Variants in ZNF467 observed in about 807,000 individuals in gnomAD.
ZNF467 encodes the protein zinc finger protein 467, also known as zinc finger protein EZI.
Under a neutral mutation model 47.8 loss-of-function variants are expected in ZNF467, and 51 were observed. The observed-to-expected ratio is 1.07, with a 90% CI of 0.85 to 1.35. The LOEUF is 1.35. ZNF467 is among the 40% of genes most tolerant of loss of function. ZNF467 has a pLI of 0.00. For synonymous variants in ZNF467, 416 were observed against 372.9 expected, an observed-to-expected ratio of 1.12 and a Z score of -1.33; for missense variants, 992 against 858.1, an observed-to-expected ratio of 1.16 and a Z score of -1.95.
At chr7:149,776,030 G>A (rs768558756), upstream of ZNF467, 2 of 1,364,980 alleles carry the variant, frequency 1.5e-6, no homozygotes, top group Non-Finnish European at 2.0e-6. Context: ...GTGCCCTGGG[G>A]GTGAGGGCAC....
Position 149,769,279 on chromosome 7 carries a change from G to A in ZNF467, c.152-79C>T. 2.3e-6 allele frequency: 3 copies of A among 1,321,264 alleles called. No homozygotes were observed. The highest frequency in any genetic ancestry group is 3.1e-6 in the Non-Finnish European group (3 of 977,678). 81.8% of individuals were successfully genotyped at this position (1,321,264 alleles called of 1,614,324 possible). ...GGGCCCCACTGGTGCTGGGAAGCAG[G>A]AGCATTTGAAACCCTGGCTCCAGCA... On this transcript the variant is annotated intron_variant, in intron 3 of 4. Transcript: ENST00000302017. The surrounding 1 kb of genome is among the most constrained non-coding windows in gnomAD (Gnocchi z 5.3).
intron 4 of ZNF467, among the ~76,000 whole-genome samples, chr7:149,767,260 T>C (rs1799253757): frequency 6.6e-6 from 1 of 152,276 alleles, no homozygotes; most frequent in South Asian, 2.1e-4. Flanking sequence ...CATCAGCTCC[T>C]GGGAAACGTT....
intron 4 of ZNF467, 35 bp from the exon 5 acceptor site, chr7:149,766,274 C>T (rs1368597484): frequency 1.3e-6 from 2 of 1,511,044 alleles, no homozygotes; most frequent in African/African-American, 2.8e-5. Context: ...CTATTGAGCT[C>T]CACGTGCGGC....
Position 149,769,343 on chromosome 7 carries a change from G to A in ZNF467, c.152-143C>T. The A allele has an allele frequency of 4.2e-6, 3 of 722,884 alleles. No homozygotes were observed. Among genetic ancestry groups the A allele is most frequent in the Non-Finnish European group, 6.6e-6 (3 of 452,706 alleles). 44.8% of individuals were successfully genotyped at this position (722,884 alleles called of 1,614,324 possible). On this transcript the variant is annotated intron_variant, in intron 3 of 4. Coordinates refer to ENST00000302017, the MANE Select transcript of ZNF467 (RefSeq NM_207336.3). This position sits in a 1 kb window ranked among gnomAD's most constrained non-coding sequence, Gnocchi z 5.3. ...TCCTCCCACATCCTACCTGAATTAAGGGGCTGAGTTCCCAGCTTCCCTGGG... is the reference window on the plus strand; with the variant it reads ...TCCTCCCACATCCTACCTGAATTAAAGGGCTGAGTTCCCAGCTTCCCTGGG...
Position 149,766,133 on chromosome 7 carries a change from G to C in ZNF467, c.369C>G (p.Pro123=). 6.2e-7 allele frequency: 1 copy of C among 1,604,364 alleles called. No individual in the cohort carries two copies. The highest frequency in any genetic ancestry group is 8.5e-7 in the Non-Finnish European group (1 of 1,173,682). The part of the protein sequence containing the change: ...QHLSLLPSPF[P]APDLGHLAAA... ...CAGCCAGATGCCCCAGGTCAGGCGC[G>C]GGAAAGGGGCTGGGAAGTAACGATA... Residue 123 remains proline, a synonymous_variant, in exon 5 of 5, where the codon CCC becomes CCG. Coordinates refer to ENST00000302017, the MANE Select transcript of ZNF467 (RefSeq NM_207336.3).
upstream of ZNF467, among the ~76,000 whole-genome samples, chr7:149,774,262 C>G (rs527371399): frequency 1.7e-4 from 26 of 152,282 alleles, no homozygotes; most frequent in Admixed American, 4.6e-4. The surrounding 1 kb of genome is among the most constrained non-coding windows in gnomAD (Gnocchi z 5.7). Context: ...GCCCAGGTTA[C>G]GAGGTTTCTC....
intron 4 of ZNF467, among the ~76,000 whole-genome samples, chr7:149,768,099 T>C (rs1799276992): frequency 6.6e-6 from 1 of 152,242 alleles, no homozygotes; most frequent in African/African-American, 2.4e-5. Context: ...AAATTCCCAG[T>C]GCATGCGGAT....
In ZNF467 at chr7:149,765,620, A is replaced by T. The variant is rs1414762202; in HGVS notation, c.882T>A (p.His294Gln). Residue 294 changes from histidine (H) to glutamine (Q), a missense_variant, in exon 5 of 5, where the codon CAT becomes CAA. His to Gln is a conservative substitution (Grantham distance 24). Coordinates refer to ENST00000302017, the MANE Select transcript of ZNF467 (RefSeq NM_207336.3). Reference protein sequence around the residue: ...KTHLIRHQRIHTGERPYQCAQ... With the variant: ...KTHLIRHQRIQTGERPYQCAQ... ...CGCACTGGTAGGGCCTCTCGCCCGT[A>T]TGGATGCGCTGGTGCCGAATCAAGT... 2.3e-5 allele frequency: 37 copies of T among 1,605,874 alleles called. No individual in the cohort carries two copies. Among genetic ancestry groups the T allele is most frequent in the Non-Finnish European group, 3.1e-5 (37 of 1,176,594 alleles).
At chr7:149,773,646 G>T (rs960023178), upstream of ZNF467, among the ~76,000 whole-genome samples, 37 of 146,740 alleles carry the variant, frequency 2.5e-4, no homozygotes, top group Admixed American at 2.2e-3. Context: ...GCGAACGGGT[G>T]GGGGGGTGGC....
At chr7:149,774,610 A>G (rs1022071898), upstream of ZNF467, among the ~76,000 whole-genome samples, 24 of 152,168 alleles carry the variant, frequency 1.6e-4, 1 homozygote, top group Admixed American at 1.4e-3. The surrounding 1 kb of genome is among the most constrained non-coding windows in gnomAD (Gnocchi z 5.7). Context: ...CTCTGCCTCC[A>G]GGATGAAGGG....
At position 149,765,834 on chromosome 7, in the gene ZNF467, T is replaced by C. The variant is rs1354339133; in HGVS notation, c.668A>G (p.Lys223Arg). The C allele has an allele frequency of 6.2e-7, 1 of 1,609,110 alleles. No individual in the cohort carries two copies. The highest frequency in any genetic ancestry group is 1.3e-5 in the African/African-American group (1 of 74,792). ...ERPFPCSECDKRFSKKAHLTR... is the reference protein window; with the variant it reads ...ERPFPCSECDRRFSKKAHLTR... ...CAGATGGGCCTTCTTGCTGAAGCGC[T>C]TGTCGCACTCGGAGCACGGGAAAGG... is the stretch of plus-strand genomic sequence containing the variant. The change falls in exon 5 of 5, where the codon AAG (lysine) becomes AGG (arginine). Residue 223 changes from lysine to arginine, a missense_variant. Coordinates refer to ENST00000302017, the MANE Select transcript of ZNF467 (RefSeq NM_207336.3).
At position 149,765,203 on chromosome 7, in the gene ZNF467, G is replaced by A. The variant is rs1342712571; in HGVS notation, c.1299C>T (p.Cys433=). Residue 433 remains cysteine, a synonymous_variant, in exon 5 of 5, where the codon TGC becomes TGT. Coordinates refer to ENST00000302017, the MANE Select transcript of ZNF467 (RefSeq NM_207336.3). ...GGGAGAAGCCGCGCCCGCAGTCCGG[G>A]CAGAAGAAGGACCGCTCGCCCGAGG... ...RAPSGERSFF[C]PDCGRGFSHG... is the part of the protein sequence containing the mutation. The A allele has an allele frequency of 2.7e-6, 4 of 1,506,740 alleles. No homozygotes were observed. The highest frequency in any genetic ancestry group is 2.2e-5 in the Admixed American group (1 of 45,934). The allele number at this position is 1,506,740 out of a possible 1,614,324, so 93.3% of individuals were successfully genotyped here. A position where few individuals can be genotyped will look rare whatever the true frequency, so the allele number is the denominator to read the frequency against.
chr7:149,764,772 AGGGCGGCGTCCGGGGCCGCGT>A lies in ZNF467; in HGVS notation c.1709_1729del (p.His570_Ala576del), dbSNP rs747146734. The A allele has an allele frequency of 7.2e-6, 11 of 1,525,830 alleles. No individual in the cohort carries two copies. Among genetic ancestry groups the A allele is most frequent in the Non-Finnish European group, 8.8e-6 (10 of 1,136,512 alleles). 94.5% of individuals were successfully genotyped at this position (1,525,830 alleles called of 1,614,324 possible). On this transcript the variant is annotated inframe_deletion, in exon 5 of 5. Transcript: ENST00000302017. ...GGGAGCGGACCAGGCTGGGGCCGCA[AGGGCGGCGTCCGGGGCCGCGT>A]GGGCGGCTTCGCCGTGAATGAGCTG...
In ZNF467 at chr7:149,764,780, G is replaced by A. The variant is rs376354036; in HGVS notation, c.1722C>T (p.Asp574=). 2.6e-6 allele frequency: 4 copies of A among 1,523,776 alleles called. No individual in the cohort carries two copies. The highest frequency in any genetic ancestry group is 2.2e-5 in the Admixed American group (1 of 46,410). 94.4% of individuals were successfully genotyped at this position (1,523,776 alleles called of 1,614,324 possible). The change falls in exon 5 of 5, where the codon GAC becomes GAT. Residue 574 remains aspartate (D), a synonymous_variant. Transcript: ENST00000302017. ...ACCAGGCTGGGGCCGCAAGGGCGGC[G>A]TCCGGGGCCGCGTGGGCGGCTTCGC... The part of the protein sequence containing the change: ...IHGEAAHAAP[D]AALAAPAWSA...
chr7:149,764,768 C>T lies in ZNF467; in HGVS notation c.1734G>A (p.Ala578=), dbSNP rs1273541910. 3.9e-6 allele frequency: 6 copies of T among 1,526,364 alleles called. No homozygotes were observed. Among genetic ancestry groups the T allele is most frequent in the Non-Finnish European group, 5.3e-6 (6 of 1,136,554 alleles). 94.6% of individuals were successfully genotyped at this position (1,526,364 alleles called of 1,614,324 possible). ...AAHAAPDAAL[A]APAWSAPPEV... ...CGGGGGGAGCGGACCAGGCTGGGGC[C>T]GCAAGGGCGGCGTCCGGGGCCGCGT... is the stretch of plus-strand genomic sequence containing the variant. The change falls in exon 5 of 5, where the codon GCG becomes GCA. Residue 578 remains alanine, a synonymous_variant. Transcript: ENST00000302017.
chr7:149,775,718 C>G (rs1799554068), upstream of ZNF467, among the ~76,000 whole-genome samples: 1 of 86,732 alleles, frequency 1.2e-5, no homozygotes, highest in African/African-American at 6.9e-5. Context: ...TACACACACA[C>G]ACACACACAC....
chr7:149,776,165 C>T, upstream of ZNF467: 1 of 1,212,502 alleles, frequency 8.2e-7, no homozygotes, highest in Non-Finnish European at 1.1e-6. Flanking sequence ...TCTGGGGCAT[C>T]AGACTCCGTG....
In ZNF467 at chr7:149,764,576, A is replaced by G. The variant is rs1258733780; in HGVS notation, c.*138T>C. ...CTGGGTATGCTGTGCGGACGCAGAC[A>G]CTGCGGGAAGGAAACAGGTGTCCCG... On this transcript the variant is annotated 3_prime_UTR_variant, in exon 5 of 5. Transcript: ENST00000302017. The G allele has an allele frequency of 3.4e-6, 5 of 1,467,602 alleles. No homozygotes were observed. Among genetic ancestry groups the G allele is most frequent in the Admixed American group, 2.0e-5 (1 of 50,914 alleles). 90.9% of individuals were successfully genotyped at this position (1,467,602 alleles called of 1,614,324 possible).
chr7:149,776,045 C>A, upstream of ZNF467: 1 of 1,365,594 alleles, frequency 7.3e-7, no homozygotes, highest in Non-Finnish European at 9.8e-7. Context: ...GGGCACCATG[C>A]TACTCCCTGC....
Sources: gnomAD v4.1 joint callset for allele counts (sites outside exome capture counted in the v4.1 genomes callset) on GRCh38, gnomAD v4.1.1 for gene constraint, Gnocchi (gnomAD v3.1) non-coding constraint, MANE v1.5 for transcripts, NCBI Gene and HGNC (gene_info 2026-07-23, HGNC 2026-07-21) for gene names.